The following COL18A1 variants were observed in gnomAD, a reference collection of about 807,000 sequenced individuals.
COL18A1 encodes collagen type XVIII alpha 1 chain, also known as collagen alpha-1(XVIII) chain.
In COL18A1, 133 loss-of-function variants were observed where a neutral mutation model predicts 168.0. That is an observed-to-expected ratio of 0.79 (90% CI 0.69 to 0.91). The LOEUF is 0.91. COL18A1 is among the 40% of genes least tolerant of loss of function. The probability of loss-of-function intolerance (pLI) is 0.00; values close to 1 mark genes in which losing one functional copy is unlikely to be tolerated. For missense variants in COL18A1, 2,126 were observed against 1,925.4 expected, an observed-to-expected ratio of 1.10 and a Z score of -1.95; for synonymous variants, 949 against 809.0, an observed-to-expected ratio of 1.17 and a Z score of -2.94.
chr21:45,499,153 C>A (rs1453037635), intron 32 of COL18A1, among the ~76,000 whole-genome samples: 2 of 152,236 alleles, frequency 1.3e-5, no homozygotes, highest in Non-Finnish European at 2.9e-5. Context: ...TCCAAAATAT[C>A]CAAGAAAGTC....
chr21:45,426,111 T>G (rs1391504306), intron 2 of COL18A1, among the ~76,000 whole-genome samples: 5 of 152,060 alleles, frequency 3.3e-5, no homozygotes, highest in African/African-American at 1.2e-4. Context: ...GAGTTACTTT[T>G]TTTCTTTTTT....
intron 2 of COL18A1, chr21:45,455,493 G>C: frequency 1.3e-5 from 21 of 1,608,182 alleles, no homozygotes; most frequent in Non-Finnish European, 1.8e-5. Context: ...AGGCACAGAG[G>C]CCCTCCCGCC....
chr21:45,470,675 C>T lies in COL18A1; in HGVS notation c.651+1889C>T, dbSNP rs897722651. On this transcript the variant is annotated intron_variant, in intron 3 of 41. Transcript: ENST00000651438. ...CTAATTTTTGTATTTTTAGTAGAGA[C>T]GGGGTTTCACCATATTGGTCAGGCT... Among the ~76,000 whole-genome samples the T allele has an allele frequency of 5.3e-5, 8 of 151,750 alleles. No homozygotes were observed. In the South Asian group the frequency reaches 6.2e-4, roughly 12 times the overall value.
intron 31 of COL18A1, 31 bp from the exon 32 acceptor site, chr21:45,497,568 C>T (rs758282489): frequency 6.4e-7 from 1 of 1,552,558 alleles, no homozygotes. Flanking sequence ...CTGGCACATT[C>T]CTGATGGGCA....
intron 30 of COL18A1, 144 bp from the exon 31 acceptor site, chr21:45,496,904 CCT>C (rs1000099247): frequency 2.5e-5 from 18 of 708,106 alleles, no homozygotes; most frequent in African/African-American, 1.4e-4. Flanking sequence ...TCTCCGTACC[CCT>C]GTTCCCTCCC....
chr21:45,444,065 G>T (rs866743604), intron 2 of COL18A1, among the ~76,000 whole-genome samples: 1 of 152,168 alleles, frequency 6.6e-6, no homozygotes, highest in African/African-American at 2.4e-5. Context: ...CCACGCTGTC[G>T]CTCTCTCTTG....
chr21:45,476,643 A>G (rs770169194), intron 6 of COL18A1, among the ~76,000 whole-genome samples, 163 bp downstream of exon 6: 4 of 151,378 alleles, frequency 2.6e-5, no homozygotes, highest in Non-Finnish European at 4.4e-5. Context: ...TGTGAAATAT[A>G]TGGCAGGTGT....
chr21:45,418,915 G>A (rs1437391846), intron 2 of COL18A1, among the ~76,000 whole-genome samples: 1 of 152,256 alleles, frequency 6.6e-6, no homozygotes, highest in Non-Finnish European at 1.5e-5. Flanking sequence ...ACGGCTTGCA[G>A]GCAGGGAGAT....
At chr21:45,474,631 C>A (rs2035572978) in intron 4 of COL18A1, among the ~76,000 whole-genome samples, 1 of 150,130 alleles carries the variant, frequency 6.7e-6, no homozygotes, top group Non-Finnish European at 1.5e-5. Flanking sequence ...AGGGGAGAAT[C>A]CCCCAGCCCC....
At position 45,486,850 on chromosome 21, in the gene COL18A1, A is replaced by C; in HGVS notation, c.1702-11A>C. 1 of 1,525,638 alleles carries C rather than the reference A, an allele frequency of 6.6e-7. No individual in the cohort carries two copies. The highest frequency in any genetic ancestry group is 8.8e-7 in the Non-Finnish European group (1 of 1,139,696). 94.5% of individuals were successfully genotyped at this position (1,525,638 alleles called of 1,614,324 possible). Reference sequence around the variant, plus strand: ...GGCTGGGTCCTGACACGCTCTCCTCACCCCACGCAGGGGAGCAAGGGAGCC... The same window carrying C: ...GGCTGGGTCCTGACACGCTCTCCTCCCCCCACGCAGGGGAGCAAGGGAGCC... On this transcript the variant is annotated splice_polypyrimidine_tract_variant and intron_variant, in intron 15 of 41. Coordinates refer to ENST00000651438, the MANE Select transcript of COL18A1 (RefSeq NM_001379500.1).
chr21:45,498,732 C>T lies in COL18A1; in HGVS notation c.2683+1071C>T. ...AAGGAGTGAATGATGCACAGATGAC[C>T]AGAAACCAGGAGAAGAGGCCAGTGA... On this transcript the variant is annotated intron_variant, in intron 32 of 41. Transcript: ENST00000651438. This position sits in a 1 kb window ranked among gnomAD's most constrained non-coding sequence, Gnocchi z 4.5. 1 of 614,120 alleles carries T rather than the reference C, an allele frequency of 1.6e-6. No individual in the cohort carries two copies. Among genetic ancestry groups the T allele is most frequent in the Non-Finnish European group, 2.9e-6 (1 of 342,452 alleles). The allele number at this position is 614,120 out of a possible 1,614,324, so 38.0% of individuals were successfully genotyped here. A position where few individuals can be genotyped will look rare whatever the true frequency, so the allele number is the denominator to read the frequency against.
rs752461540 is a variant in COL18A1, at chr21:45,492,551, T to C, written c.2174T>C (p.Val725Ala). Residue 725 changes from valine to alanine, a missense_variant, in exon 23 of 42, where the codon GTG becomes GCG. By Grantham distance (64) the Val-to-Ala change is moderately conservative. Transcript: ENST00000651438. ...CGTGGACAGGGATCCGTCCTGAGCG[T>C]GCCGGGACCTGAGGTATGTGCCTGC... The part of the protein sequence containing the change: ...VSEQDGSVLS[V>A]PGPEGRPGFA... 5 of 1,613,240 alleles carry C rather than the reference T, an allele frequency of 3.1e-6. No homozygotes were observed. Among genetic ancestry groups the C allele is most frequent in the South Asian group, 2.2e-5 (2 of 91,088 alleles).
At chr21:45,448,123 G>T (rs552880819) in intron 2 of COL18A1, among the ~76,000 whole-genome samples, 34 of 152,326 alleles carry the variant, frequency 2.2e-4, no homozygotes, top group African/African-American at 8.2e-4. Context: ...ACATCAGGAA[G>T]AAACCTCTAT....
At position 45,473,232 on chromosome 21, in the gene COL18A1, G is replaced by A. The variant is rs992361424; in HGVS notation, c.652-663G>A. 6.6e-6 allele frequency among the ~76,000 whole-genome samples: 1 copy of A among 152,222 alleles called. No individual in the cohort carries two copies. The highest frequency in any genetic ancestry group is 6.5e-5 in the Admixed American group (1 of 15,288). On this transcript the variant is annotated intron_variant, in intron 3 of 41. Coordinates refer to ENST00000651438, the MANE Select transcript of COL18A1 (RefSeq NM_001379500.1). The surrounding 1 kb of genome is among the most constrained non-coding windows in gnomAD (Gnocchi z 4.0). ...CATCTCACCAGGCACCGCCGGCCGC[G>A]CCAGGGCCCGAGAGGGCAGGGTCAG...
intron 2 of COL18A1, among the ~76,000 whole-genome samples, chr21:45,458,182 C>A (rs2034907811): frequency 6.6e-6 from 1 of 150,510 alleles, no homozygotes; most frequent in Non-Finnish European, 1.5e-5. Flanking sequence ...CTGGGGGGGC[C>A]TGGTGTGTGC....
intron 2 of COL18A1, among the ~76,000 whole-genome samples, chr21:45,429,380 G>A (rs1009300067): frequency 2.0e-5 from 3 of 152,132 alleles, no homozygotes; most frequent in Middle Eastern, 3.4e-3. Flanking sequence ...CGCTGTCAGC[G>A]ATGGCTGCTG....
chr21:45,503,832 C>A, intron 32 of COL18A1, 179 bp from the exon 33 acceptor site: 2 of 438,730 alleles, frequency 4.6e-6, no homozygotes, highest in Non-Finnish European at 4.1e-6. Context: ...AAAAAGGCAC[C>A]ATTAACAAAA....
At chr21:45,494,392 T>G in intron 26 of COL18A1, 153 bp from the exon 27 acceptor site, 2 of 1,073,914 alleles carry the variant, frequency 1.9e-6, no homozygotes, top group Non-Finnish European at 1.4e-6. Context: ...GACGGCCCAG[T>G]GCACCCAAAG....
At chr21:45,436,715 T>TG (rs910249093) in intron 2 of COL18A1, among the ~76,000 whole-genome samples, 1 of 142,368 alleles carries the variant, frequency 7.0e-6, no homozygotes, top group African/African-American at 2.6e-5. Flanking sequence ...GGACTGCTGG[T>TG]GGGGGGCCCT....
Sources: allele counts gnomAD v4.1 joint callset (sites outside exome capture counted in the v4.1 genomes callset), GRCh38; gene constraint gnomAD v4.1.1; non-coding constraint Gnocchi (gnomAD v3.1); transcripts MANE v1.5; gene names NCBI Gene and HGNC (gene_info 2026-07-23, HGNC 2026-07-21).